SCAMP2: variants seen among roughly 807,000 people sequenced by gnomAD.
The protein encoded by SCAMP2 is secretory carrier-associated membrane protein 2.
SCAMP2 carries 25 observed loss-of-function variants against 44.1 expected under a neutral mutation model. The observed-to-expected ratio is 0.57, with a 90% CI of 0.41 to 0.79. The LOEUF is 0.79. Ranked by LOEUF, SCAMP2 falls within the 30% of genes least tolerant of loss-of-function variation. The pLI is 0.00. For missense variants in SCAMP2, 355 were observed against 411.0 expected, an observed-to-expected ratio of 0.86 and a Z score of 1.18; for synonymous variants, 156 against 166.0, an observed-to-expected ratio of 0.94 and a Z score of 0.46.
rs1170876687 is a variant in SCAMP2 at position 74,844,199 on chromosome 15, G to C, written c.*884C>G. ...GACAAAGGCAGCCGTCCCTCGGTTC[G>C]GGGAGGGGGGGGGGTAGTCACAGCA... On this transcript the variant is annotated 3_prime_UTR_variant, in exon 9 of 9. Coordinates refer to ENST00000268099, the MANE Select transcript of SCAMP2 (RefSeq NM_005697.5). The C allele has an allele frequency of 6.8e-6, 1 of 147,084 alleles. No homozygotes were observed. The highest frequency in any genetic ancestry group is 1.5e-5 in the Non-Finnish European group (1 of 66,508). The allele number at this position is 147,084 out of a possible 1,614,324, so 9.1% of individuals were successfully genotyped here.
chr15:74,872,967 T>C (rs571550923), intron 1 of SCAMP2: 8 of 467,108 alleles, frequency 1.7e-5, no homozygotes, highest in African/African-American at 1.4e-4. Context: ...CTCCGGGTGC[T>C]AGAAGACCCC....
intron 7 of SCAMP2, 197 bp downstream of exon 7, chr15:74,848,403 G>C: frequency 2.0e-6 from 1 of 497,432 alleles, no homozygotes; most frequent in Non-Finnish European, 3.6e-6. Context: ...TAGTATCAAG[G>C]AGAAAAAAAA....
rs1245094771 is a variant in SCAMP2 at position 74,873,293 on chromosome 15, G to A, written c.-38C>T. 15 of 1,472,582 alleles carry A rather than the reference G, an allele frequency of 1.0e-5. No individual in the cohort carries two copies. The highest frequency in any genetic ancestry group is 2.9e-5 in the Admixed American group (1 of 34,706). The allele number at this position is 1,472,582 out of a possible 1,614,324, so 91.2% of individuals were successfully genotyped here. A position where few individuals can be genotyped will look rare whatever the true frequency, so the allele number is the denominator to read the frequency against. ...CCAGCGGGCGAACTCCGCGAACGCT[G>A]CTGCCTCCGGGCACCCAGACCCAGC... On this transcript the variant is annotated 5_prime_UTR_variant, in exon 1 of 9. Coordinates refer to ENST00000268099, the MANE Select transcript of SCAMP2 (RefSeq NM_005697.5).
At position 74,844,176 on chromosome 15, in the gene SCAMP2, C is replaced by CA. The variant is rs1156791374; in HGVS notation, c.*906dup. The CA allele has an allele frequency of 5.8e-5, 8 of 138,072 alleles. No individual in the cohort carries two copies. Among genetic ancestry groups the CA allele is most frequent in the African/African-American group, 2.2e-4 (8 of 37,000 alleles). 8.6% of individuals were successfully genotyped at this position (138,072 alleles called of 1,614,324 possible). On this transcript the variant is annotated 3_prime_UTR_variant, in exon 9 of 9. Transcript: ENST00000268099. ...GGGCAGGTGGCATCTGAGGCAGAGACAAAGGCAGCCGTCCCTCGGTTCGGG... is the reference window on the plus strand; with the variant it reads ...GGGCAGGTGGCATCTGAGGCAGAGACAAAAGGCAGCCGTCCCTCGGTTCGGG...
chr15:74,846,530 A>G lies in SCAMP2; in HGVS notation c.735-937T>C, dbSNP rs547159849. Among the ~76,000 whole-genome samples the G allele has an allele frequency of 1.6e-4, 25 of 152,222 alleles. No homozygotes were observed. In the South Asian group the frequency reaches 5.2e-3, roughly 32 times the overall value. On this transcript the variant is annotated intron_variant, in intron 7 of 8. Coordinates refer to ENST00000268099, the MANE Select transcript of SCAMP2 (RefSeq NM_005697.5). Reference sequence around the variant, plus strand: ...CGTAATCCCAACACTTTGGGAGGCCAAGATGGGCGGATCACGAGGTCAGCA... The same window carrying G: ...CGTAATCCCAACACTTTGGGAGGCCGAGATGGGCGGATCACGAGGTCAGCA...
At position 74,850,534 on chromosome 15, in the gene SCAMP2, T is replaced by C; in HGVS notation, c.612A>G (p.Arg204=). Residue 204 remains arginine, a synonymous_variant, in exon 6 of 9, where the codon CGA becomes CGG. Coordinates refer to ENST00000268099, the MANE Select transcript of SCAMP2 (RefSeq NM_005697.5). ...FTPCAFLCWY[R]PIYKAFRSDN... Reference sequence around the variant, plus strand: ...CTCACCTAAAGGCCTTATAGATGGGTCGGTACCAACAAAGGAAGGCACAGG... The same window carrying C: ...CTCACCTAAAGGCCTTATAGATGGGCCGGTACCAACAAAGGAAGGCACAGG... 6.2e-7 allele frequency: 1 copy of C among 1,613,900 alleles called. No homozygotes were observed. The highest frequency in any genetic ancestry group is 8.5e-7 in the Non-Finnish European group (1 of 1,179,916).
rs968357133 is a variant in SCAMP2 at position 74,844,923 on chromosome 15, C to G, written c.*160G>C. On this transcript the variant is annotated 3_prime_UTR_variant, in exon 9 of 9. Transcript: ENST00000268099. ...GGGGGAAAAAATTCCCTGTCCCTCC[C>G]GTTCCAGGGAGAGCTGGTCGCTGAG... is the stretch of plus-strand genomic sequence containing the variant. 3 of 757,642 alleles carry G rather than the reference C, an allele frequency of 4.0e-6. No homozygotes were observed. The highest frequency in any genetic ancestry group is 5.4e-5 in the Admixed American group (2 of 37,272). 46.9% of individuals were successfully genotyped at this position (757,642 alleles called of 1,614,324 possible). A position where few individuals can be genotyped will look rare whatever the true frequency, so the allele number is the denominator to read the frequency against.
chr15:74,855,304 A>AT (rs1345266820), intron 1 of SCAMP2, among the ~76,000 whole-genome samples: 1 of 151,838 alleles, frequency 6.6e-6, no homozygotes, highest in African/African-American at 2.4e-5. Flanking sequence ...GGGTTTCACC[A>AT]TGTTGGCCAG....
At chr15:74,866,218 G>A (rs1340268924) in intron 1 of SCAMP2, among the ~76,000 whole-genome samples, 1 of 149,966 alleles carries the variant, frequency 6.7e-6, no homozygotes, top group Non-Finnish European at 1.5e-5. Context: ...AGGATGGAGA[G>A]AATTTCAAGA....
chr15:74,855,949 G>A (rs1286558915), intron 1 of SCAMP2, among the ~76,000 whole-genome samples: 1 of 152,020 alleles, frequency 6.6e-6, no homozygotes, highest in Non-Finnish European at 1.5e-5. Context: ...TCTGATCTCT[G>A]CATGGGGCTC....
intron 1 of SCAMP2, among the ~76,000 whole-genome samples, chr15:74,854,979 T>G (rs1433117794): frequency 6.6e-6 from 1 of 151,736 alleles, no homozygotes; most frequent in Non-Finnish European, 1.5e-5. Flanking sequence ...AGTGGGTTTT[T>G]TTTTTTTTTT....
intron 1 of SCAMP2, among the ~76,000 whole-genome samples, chr15:74,854,883 C>A (rs2064458390): frequency 6.6e-6 from 1 of 152,082 alleles, no homozygotes; most frequent in Admixed American, 6.5e-5. Context: ...GCAAGCTTTA[C>A]CCAGAAGCTT....
At chr15:74,853,975 A>G (rs1360670790) in intron 3 of SCAMP2, 46 bp downstream of exon 3, 1 of 1,512,244 alleles carries the variant, frequency 6.6e-7, no homozygotes, top group East Asian at 2.3e-5. Flanking sequence ...GGTCTGGATG[A>G]TTCCCTCACT....
chr15:74,866,642 C>T (rs2064546057), intron 1 of SCAMP2, among the ~76,000 whole-genome samples: 1 of 152,114 alleles, frequency 6.6e-6, no homozygotes, highest in East Asian at 1.9e-4. Flanking sequence ...AATGAATAAC[C>T]CTGTTTTCCC....
At chr15:74,870,686 T>C (rs1006332212) in intron 1 of SCAMP2, among the ~76,000 whole-genome samples, 11 of 152,358 alleles carry the variant, frequency 7.2e-5, no homozygotes, top group Non-Finnish European at 1.3e-4. Context: ...CAGAATTCCC[T>C]GATGTTCTAA....
chr15:74,853,392 G>C (rs991705306), intron 3 of SCAMP2: 52 of 456,290 alleles, frequency 1.1e-4, no homozygotes, highest in African/African-American at 8.6e-4. Context: ...GCATGTAGCT[G>C]TCTCTGAGAA....
intron 3 of SCAMP2, chr15:74,853,506 A>G (rs775266902): frequency 4.2e-5 from 19 of 455,752 alleles, no homozygotes; most frequent in Admixed American, 2.8e-4. Context: ...GCTGCAACAC[A>G]CAACTCCACC....
At position 74,843,907 on chromosome 15, in the gene SCAMP2, T is replaced by A. The variant is rs1393228730; in HGVS notation, c.*1176A>T. The A allele has an allele frequency of 6.7e-6, 1 of 150,324 alleles. No individual in the cohort carries two copies. Among genetic ancestry groups the A allele is most frequent in the Non-Finnish European group, 1.5e-5 (1 of 67,040 alleles). The allele number at this position is 150,324 out of a possible 1,614,324, so 9.3% of individuals were successfully genotyped here. On this transcript the variant is annotated 3_prime_UTR_variant, in exon 9 of 9. Coordinates refer to ENST00000268099, the MANE Select transcript of SCAMP2 (RefSeq NM_005697.5). The stretch of plus-strand genomic sequence containing the variant: ...GGCCCAGAGCCGGAGGCTAGTTTTG[T>A]GGGAAGGCACCCCAGTCCACACACC...
At chr15:74,872,086 A>C (rs967370332) in intron 1 of SCAMP2, among the ~76,000 whole-genome samples, 4 of 151,150 alleles carry the variant, frequency 2.6e-5, no homozygotes, top group Non-Finnish European at 4.4e-5. Context: ...GAAAAGAAAG[A>C]AAGCAGGAAG....
Sources: allele counts gnomAD v4.1 joint callset (sites outside exome capture counted in the v4.1 genomes callset), GRCh38; gene constraint gnomAD v4.1.1; transcripts MANE v1.5; gene names NCBI Gene and HGNC (gene_info 2026-07-23, HGNC 2026-07-21).